The following RYR3 variants were observed in gnomAD, a reference collection of about 807,000 sequenced individuals.
RYR3 encodes ryanodine receptor 3.
A neutral mutation model predicts 584.3 loss-of-function variants in RYR3; 207 were observed. The ratio of observed to expected loss-of-function variants is 0.35; its 90% CI spans 0.32 to 0.40. The LOEUF is 0.40. Ranked by LOEUF, RYR3 falls within the 10% of genes least tolerant of loss-of-function variation. RYR3 has a pLI of 1.00. For missense variants in RYR3, 5,616 were observed against 6,089.2 expected (o/e 0.92, Z 2.59); for synonymous variants, 2,416 against 2,248.5 (o/e 1.07, Z -2.11).
At chr15:33,514,995 C>T (rs1176145633) in intron 3 of RYR3, among the ~76,000 whole-genome samples, 1 of 151,476 alleles carries the variant, frequency 6.6e-6, no homozygotes, top group Non-Finnish European at 1.5e-5. Context: ...CAGAGCGAGA[C>T]TCTGTCTCAA....
intron 1 of RYR3, among the ~76,000 whole-genome samples, chr15:33,343,705 T>TA (rs1278908747): frequency 6.6e-6 from 1 of 152,224 alleles, no homozygotes; most frequent in Non-Finnish European, 1.5e-5. Context: ...CTTTGCCAAT[T>TA]ATTCTTATTT....
At chr15:33,770,105 A>G (rs2073443874) in intron 62 of RYR3, among the ~76,000 whole-genome samples, 1 of 146,762 alleles carries the variant, frequency 6.8e-6, no homozygotes. Context: ...TGAATAATGT[A>G]GAGAGACCTC....
Position 33,865,506 on chromosome 15 carries a change from C to T in RYR3, c.*280C>T, listed in dbSNP as rs1166190994. On this transcript the variant is annotated 3_prime_UTR_variant, in exon 104 of 104. Transcript: ENST00000634891. ...TTCAAGTTTTCCAGTTCTGAGGTAA[C>T]TAGTTCAGTTTGTTGGGATGGAAGC... 1 of 367,830 alleles carries T rather than the reference C, an allele frequency of 2.7e-6. No homozygotes were observed. Among genetic ancestry groups the T allele is most frequent in the Non-Finnish European group, 4.9e-6 (1 of 202,908 alleles). The allele number at this position is 367,830 out of a possible 1,614,324, so 22.8% of individuals were successfully genotyped here.
intron 1 of RYR3, among the ~76,000 whole-genome samples, chr15:33,452,908 A>G (rs576170015): frequency 5.3e-4 from 80 of 152,358 alleles, no homozygotes; most frequent in African/African-American, 1.7e-3. Context: ...AGAAAAACCT[A>G]CAGCAATCTG....
intron 12 of RYR3, 41 bp from the exon 13 acceptor site, chr15:33,579,935 G>C: frequency 1.3e-6 from 2 of 1,535,660 alleles, no homozygotes; most frequent in Non-Finnish European, 1.8e-6. Flanking sequence ...GGGCCCTGCT[G>C]CTGGCCAGTG....
At chr15:33,833,490 G>T (rs2077826830) in intron 86 of RYR3, among the ~76,000 whole-genome samples, 1 of 152,188 alleles carries the variant, frequency 6.6e-6, no homozygotes, top group African/African-American at 2.4e-5. Flanking sequence ...TGTCACTCAA[G>T]CGTTATAAGG....
chr15:33,748,628 A>G lies in RYR3; in HGVS notation c.8199+98A>G, dbSNP rs929035999. 208 of 1,000,096 alleles carry G rather than the reference A, an allele frequency of 2.1e-4. 1 individual carries two copies. The highest frequency in any genetic ancestry group is 7.2e-5 in the Non-Finnish European group (47 of 653,512). The allele number at this position is 1,000,096 out of a possible 1,614,324, so 62.0% of individuals were successfully genotyped here. On this transcript the variant is annotated intron_variant, in intron 55 of 103. Transcript: ENST00000634891. ...AAAAAAGGGAAAGAATGCCTAGAAC[A>G]TATCACCACTAAAATTCAAAACTGA...
chr15:33,377,837 A>G (rs1338921914), intron 1 of RYR3, among the ~76,000 whole-genome samples: 1 of 151,810 alleles, frequency 6.6e-6, no homozygotes, highest in Non-Finnish European at 1.5e-5. Flanking sequence ...TATATCACCC[A>G]GGCTGGAGTG....
Position 33,861,108 on chromosome 15 carries a change from G to T in RYR3, c.14395G>T (p.Asp4799Tyr). 2 of 1,595,920 alleles carry T rather than the reference G, an allele frequency of 1.3e-6. No homozygotes were observed. The highest frequency in any genetic ancestry group is 2.3e-5 in the South Asian group (2 of 87,744). Residue 4799 changes from aspartate (D) to tyrosine (Y), a missense_variant, in exon 102 of 104, where the codon GAC becomes TAC. By Grantham distance (160) the Asp-to-Tyr change is radical (BLOSUM62 -3). This residue lies in a region of RYR3 where 918 missense variants were observed against 887.4 expected (regional missense o/e 1.03). Coordinates refer to ENST00000634891, the MANE Select transcript of RYR3 (RefSeq NM_001036.6). Reference sequence around the variant, plus strand: ...ATGTTTCATCTGTGGGATTGGCAATGACTACTTTGACACAACCCCTCATGG... The same window carrying T: ...ATGTTTCATCTGTGGGATTGGCAATTACTACTTTGACACAACCCCTCATGG... ...TKCFICGIGNDYFDTTPHGFE... is the reference protein window; with the variant it reads ...TKCFICGIGNYYFDTTPHGFE...
intron 9 of RYR3, among the ~76,000 whole-genome samples, chr15:33,548,965 C>G (rs1406235547): frequency 6.6e-6 from 1 of 152,136 alleles, no homozygotes; most frequent in Non-Finnish European, 1.5e-5. Flanking sequence ...AAATAAGTCT[C>G]TCTCACGCAG....
chr15:33,644,292 C>T lies in RYR3; in HGVS notation c.3557-19C>T, dbSNP rs375764076. On this transcript the variant is annotated intron_variant, in intron 27 of 103. Coordinates refer to ENST00000634891, the MANE Select transcript of RYR3 (RefSeq NM_001036.6). ...ATGGTGCCTTCGGGCTAAAGCAGGTCTCTCTAACTCTTCTGCAGGCTTCGT... is the reference window on the plus strand; with the variant it reads ...ATGGTGCCTTCGGGCTAAAGCAGGTTTCTCTAACTCTTCTGCAGGCTTCGT... 177 of 1,594,608 alleles carry T rather than the reference C, an allele frequency of 1.1e-4. 1 individual carries two copies. The highest frequency in any genetic ancestry group is 3.0e-5 in the Non-Finnish European group (35 of 1,169,340).
chr15:33,506,260 AT>A (rs1381754985), intron 3 of RYR3, among the ~76,000 whole-genome samples: 4 of 152,222 alleles, frequency 2.6e-5, no homozygotes, highest in African/African-American at 7.2e-5. Flanking sequence ...ATTACCAAGC[AT>A]GTTATAGCAG....
intron 1 of RYR3, among the ~76,000 whole-genome samples, chr15:33,406,544 G>A (rs902379483): frequency 6.6e-6 from 1 of 152,310 alleles, no homozygotes; most frequent in Non-Finnish European, 1.5e-5. Context: ...AAGAGCTGAG[G>A]AATAAAGAAT....
intron 41 of RYR3, 48 bp downstream of exon 41, chr15:33,699,881 C>T: frequency 3.1e-6 from 5 of 1,590,502 alleles, no homozygotes; most frequent in Non-Finnish European, 3.4e-6. Flanking sequence ...GAAGGTTACA[C>T]TCCCCCTTTT....
chr15:33,854,427 T>C lies in RYR3; in HGVS notation c.13838T>C (p.Leu4613Pro), dbSNP rs1438799784. 5 of 1,575,652 alleles carry C rather than the reference T, an allele frequency of 3.2e-6. No homozygotes were observed. Among genetic ancestry groups the C allele is most frequent in the African/African-American group, 1.4e-5 (1 of 73,932 alleles). Residue 4613 changes from leucine (L) to proline (P), a missense_variant, in exon 97 of 104, where the codon CTT (leucine) becomes CCT (proline). Coordinates refer to ENST00000634891, the MANE Select transcript of RYR3 (RefSeq NM_001036.6). ...GACATGAAGTACCATATCTGGAAGC[T>C]TGGAGTTGTTTTTACTGACAACGTA... ...SIDMKYHIWK[L>P]GVVFTDNSFL...
intron 81 of RYR3, among the ~76,000 whole-genome samples, chr15:33,824,829 T>C (rs1464546865): frequency 1.3e-5 from 2 of 152,188 alleles, no homozygotes; most frequent in Non-Finnish European, 2.9e-5. Flanking sequence ...CCTTTCAGAT[T>C]GGGGAATAAG....
chr15:33,630,126 C>A, intron 22 of RYR3, 83 bp downstream of exon 22: 1 of 735,418 alleles, frequency 1.4e-6, no homozygotes, highest in South Asian at 1.9e-5. Context: ...AGATATGTCT[C>A]TTGCCTGAAA....
chr15:33,443,551 A>G (rs962524825), intron 1 of RYR3, among the ~76,000 whole-genome samples: 1 of 152,182 alleles, frequency 6.6e-6, no homozygotes, highest in Non-Finnish European at 1.5e-5. Flanking sequence ...AACAGCCCTT[A>G]AAAACATGAC....
intron 43 of RYR3, 137 bp from the exon 44 acceptor site, chr15:33,722,578 C>A (rs576385456): frequency 6.5e-6 from 5 of 763,462 alleles, no homozygotes; most frequent in Admixed American, 2.6e-5. Flanking sequence ...ACTCCCACTG[C>A]CCACTTGACT....
Sources: gnomAD v4.1 joint callset for allele counts (sites outside exome capture counted in the v4.1 genomes callset) on GRCh38, gnomAD v4.1.1 for gene constraint, gnomAD v4.1.1 regional missense constraint, MANE v1.5 for transcripts, NCBI Gene and HGNC (gene_info 2026-07-23, HGNC 2026-07-21) for gene names.